The following SRPK2 variants were observed in gnomAD, a reference collection of about 807,000 sequenced individuals.
SRPK2 encodes the protein SFRS protein kinase 2.
SRPK2 carries 21 observed loss-of-function variants against 90.8 expected under a neutral mutation model. That is an observed-to-expected ratio of 0.23 (90% CI 0.16 to 0.33). The LOEUF (loss-of-function observed/expected upper bound fraction) is 0.33. Among genes scored for constraint, SRPK2 ranks in the 10% least tolerant of loss-of-function variants. The pLI is 1.00. For synonymous variants in SRPK2, 288 were observed against 311.1 expected, an observed-to-expected ratio of 0.93 and a Z score of 0.78; for missense variants, 620 against 869.0, an observed-to-expected ratio of 0.71 and a Z score of 3.60.
rs368774020 is a variant in SRPK2 at position 105,197,782 on chromosome 7, G to A, written c.229+5846C>T. ...GAGGTCGAATAAATGCATTTCTAAG[G>A]AAATGACATGTTTTCATACCAAGTC... On this transcript the variant is annotated intron_variant, in intron 3 of 15. Coordinates refer to ENST00000393651, the MANE Select transcript of SRPK2 (RefSeq NM_182692.3). Among the ~76,000 whole-genome samples the A allele has an allele frequency of 3.3e-5, 5 of 152,154 alleles. No individual in the cohort carries two copies. In the East Asian group the frequency reaches 7.7e-4, roughly 23 times the overall value.
intron 2 of SRPK2, among the ~76,000 whole-genome samples, chr7:105,223,308 C>T (rs1013953563): frequency 1.8e-4 from 28 of 152,240 alleles, no homozygotes; most frequent in Admixed American, 1.3e-4. Flanking sequence ...AAAGAGGCTC[C>T]TAATAGGCTG....
chr7:105,388,798 G>A lies in SRPK2; in HGVS notation c.9C>T (p.Ser3=), dbSNP rs545584031. The change falls in exon 1 of 16, where the codon TCC becomes TCT. Residue 3 remains serine (S), a synonymous_variant. Coordinates refer to ENST00000393651, the MANE Select transcript of SRPK2 (RefSeq NM_182692.3). MS[S]RKVLAIQARK... ...GCGCCGCGGGCCACTCACCTTTCCG[G>A]GAGCTCATTCCGACGCGGCGGAAGC... 63 of 1,469,878 alleles carry A rather than the reference G, an allele frequency of 4.3e-5. 1 individual carries two copies. The South Asian group carries it at 7.8e-4, about 18-fold the overall frequency. 91.1% of individuals were successfully genotyped at this position (1,469,878 alleles called of 1,614,324 possible). A position where few individuals can be genotyped will look rare whatever the true frequency, so the allele number is the denominator to read the frequency against.
chr7:105,205,535 A>T (rs1044656869), intron 2 of SRPK2, among the ~76,000 whole-genome samples: 64 of 134,700 alleles, frequency 4.8e-4, no homozygotes, highest in Middle Eastern at 3.6e-3. Flanking sequence ...ACACACACAC[A>T]CACACACACA....
At chr7:105,281,654 C>T (rs1745713221) in intron 2 of SRPK2, among the ~76,000 whole-genome samples, 1 of 149,410 alleles carries the variant, frequency 6.7e-6, no homozygotes, top group African/African-American at 2.5e-5. Context: ...CACACTGAGA[C>T]CCTGTTGCTA....
intron 3 of SRPK2, among the ~76,000 whole-genome samples, chr7:105,176,583 G>GTA (rs36021270): frequency 1.5e-5 from 2 of 134,486 alleles, no homozygotes; most frequent in African/African-American, 5.9e-5. Context: ...GTGTGTGTAT[G>GTA]TATATATGTG....
At chr7:105,233,464 A>G (rs1799762069) in intron 2 of SRPK2, among the ~76,000 whole-genome samples, 1 of 152,236 alleles carries the variant, frequency 6.6e-6, no homozygotes, top group Non-Finnish European at 1.5e-5. Flanking sequence ...AGGCTCTTTA[A>G]TGGAGAACTT....
At chr7:105,234,403 T>G (rs1355637205) in intron 2 of SRPK2, among the ~76,000 whole-genome samples, 2 of 152,212 alleles carry the variant, frequency 1.3e-5, no homozygotes, top group Admixed American at 1.3e-4. Context: ...TTAGAGAAAC[T>G]TCTACTATCT....
intron 7 of SRPK2, among the ~76,000 whole-genome samples, chr7:105,157,515 T>G (rs958621621): frequency 6.6e-6 from 1 of 152,184 alleles, no homozygotes; most frequent in African/African-American, 2.4e-5. Flanking sequence ...TGTAATTTCT[T>G]GAACAACTTA....
intron 2 of SRPK2, among the ~76,000 whole-genome samples, chr7:105,330,995 CTTAA>C (rs1814242314): frequency 6.6e-6 from 1 of 151,406 alleles, no homozygotes; most frequent in African/African-American, 2.4e-5. Context: ...GACTCTGTGT[CTTAA>C]TTAAAAGAAA....
At chr7:105,341,950 G>C (rs963665401) in intron 2 of SRPK2, among the ~76,000 whole-genome samples, 12 of 147,362 alleles carry the variant, frequency 8.1e-5, no homozygotes, top group African/African-American at 3.0e-4. Flanking sequence ...CTGGCTGCCA[G>C]AGCGAGACTC....
chr7:105,315,038 A>T (rs1464906782), intron 2 of SRPK2, among the ~76,000 whole-genome samples: 1 of 152,130 alleles, frequency 6.6e-6, no homozygotes, highest in Admixed American at 6.5e-5. Flanking sequence ...GCACTCTGGG[A>T]GGCTGAGGCA....
At chr7:105,253,532 T>TC (rs1382982924) in intron 2 of SRPK2, among the ~76,000 whole-genome samples, 1 of 152,156 alleles carries the variant, frequency 6.6e-6, no homozygotes, top group East Asian at 1.9e-4. Context: ...CCATCTCTTT[T>TC]CCCGCTTATG....
At chr7:105,281,758 A>C (rs1807374223) in intron 2 of SRPK2, among the ~76,000 whole-genome samples, 3 of 152,208 alleles carry the variant, frequency 2.0e-5, no homozygotes, top group Non-Finnish European at 4.4e-5. Context: ...TCAACCAAGG[A>C]AGTACAAGGC....
At chr7:105,282,934 T>C (rs867304109) in intron 2 of SRPK2, among the ~76,000 whole-genome samples, 1 of 150,582 alleles carries the variant, frequency 6.6e-6, no homozygotes, top group African/African-American at 2.4e-5. Flanking sequence ...TAAAGAACTC[T>C]TAACAATCAA....
intron 2 of SRPK2, among the ~76,000 whole-genome samples, chr7:105,331,769 C>T (rs1814444318): frequency 6.6e-6 from 1 of 152,114 alleles, no homozygotes; most frequent in African/African-American, 2.4e-5. Flanking sequence ...GGAAAAGACA[C>T]ATATCTCCAA....
intron 11 of SRPK2, among the ~76,000 whole-genome samples, chr7:105,138,880 T>A (rs1415055478): frequency 6.6e-6 from 1 of 152,230 alleles, no homozygotes; most frequent in African/African-American, 2.4e-5. Flanking sequence ...TTCTAATTCA[T>A]CTCTCAGAAG....
At chr7:105,180,786 G>T (rs1263100352) in intron 3 of SRPK2, among the ~76,000 whole-genome samples, 1 of 151,976 alleles carries the variant, frequency 6.6e-6, no homozygotes, top group African/African-American at 2.4e-5. Context: ...TAAAAGCCTG[G>T]AAGATAATCT....
intron 2 of SRPK2, among the ~76,000 whole-genome samples, chr7:105,375,960 G>C (rs2132535580): frequency 6.8e-6 from 1 of 147,854 alleles, no homozygotes; most frequent in South Asian, 2.2e-4. Flanking sequence ...GTCCAGCTTG[G>C]GCAACGTAAT....
At chr7:105,386,726 T>G (rs1821661666) in intron 2 of SRPK2, among the ~76,000 whole-genome samples, 1 of 152,084 alleles carries the variant, frequency 6.6e-6, no homozygotes, top group Non-Finnish European at 1.5e-5. Flanking sequence ...TCAAAAAAAT[T>G]ATTAAATAAA....
Sources: allele counts gnomAD v4.1 joint callset (sites outside exome capture counted in the v4.1 genomes callset), GRCh38; gene constraint gnomAD v4.1.1; transcripts MANE v1.5; gene names NCBI Gene and HGNC (gene_info 2026-07-23, HGNC 2026-07-21).